Variants in MYT1L observed in about 807,000 individuals in gnomAD.
The protein encoded by MYT1L is myelin transcription factor 1-like protein.
Under a neutral mutation model 126.7 loss-of-function variants are expected in MYT1L, and 12 were observed. The ratio of observed to expected loss-of-function variants is 0.09; its 90% CI spans 0.06 to 0.15. The LOEUF (loss-of-function observed/expected upper bound fraction) is 0.15. MYT1L is among the 10% of genes least tolerant of loss of function. MYT1L has a pLI of 1.00. For synonymous variants in MYT1L, 541 were observed against 604.2 expected, an observed-to-expected ratio of 0.90 and a Z score of 1.53; for missense variants, 979 against 1,585.2, an observed-to-expected ratio of 0.62 and a Z score of 6.49.
chr2:2,044,016 G>A (rs2067863990), intron 4 of MYT1L, among the ~76,000 whole-genome samples: 2 of 151,990 alleles, frequency 1.3e-5, no homozygotes. Context: ...GAGTTCAAAA[G>A]GTACTTTTCT....
chr2:2,300,147 A>T (rs1489975283), intron 1 of MYT1L, among the ~76,000 whole-genome samples: 1 of 152,198 alleles, frequency 6.6e-6, no homozygotes, highest in Non-Finnish European at 1.5e-5. Flanking sequence ...CCTAATGATG[A>T]CTTATAAGTT....
intron 3 of MYT1L, among the ~76,000 whole-genome samples, chr2:2,132,094 G>A (rs993804792): frequency 6.6e-6 from 1 of 151,600 alleles, no homozygotes; most frequent in Non-Finnish European, 1.5e-5. Flanking sequence ...TTCTAGTAGA[G>A]ATGGGGGTTT....
intron 2 of MYT1L, among the ~76,000 whole-genome samples, chr2:2,269,380 G>A (rs184420108): frequency 2.0e-4 from 30 of 152,296 alleles, no homozygotes; most frequent in African/African-American, 6.5e-4. Flanking sequence ...GAGCAGCACC[G>A]CAATAGCATC....
At chr2:2,034,387 C>G (rs1255222276) in intron 4 of MYT1L, among the ~76,000 whole-genome samples, 1 of 46,414 alleles carries the variant, frequency 2.2e-5, no homozygotes, top group Non-Finnish European at 4.0e-5. Context: ...GAGCTCCTAA[C>G]TTCTCCCCAA....
At chr2:1,839,060 G>T in intron 21 of MYT1L, 89 bp downstream of exon 21, 1 of 1,148,302 alleles carries the variant, frequency 8.7e-7, no homozygotes, top group Non-Finnish European at 1.2e-6. Context: ...GACGGGAGAA[G>T]CTGGCACCTG....
intron 3 of MYT1L, among the ~76,000 whole-genome samples, chr2:2,156,248 T>C (rs940480968): frequency 2.0e-5 from 3 of 152,218 alleles, no homozygotes; most frequent in Non-Finnish European, 4.4e-5. Flanking sequence ...CATTTACTTG[T>C]TTATCAGAAA....
chr2:1,891,364 C>A (rs984729119), intron 15 of MYT1L, among the ~76,000 whole-genome samples: 2 of 152,224 alleles, frequency 1.3e-5, no homozygotes, highest in African/African-American at 2.4e-5. Context: ...TTCTCCCCAG[C>A]CGCCTGGTGG....
At chr2:2,229,730 A>G (rs927716985) in intron 2 of MYT1L, among the ~76,000 whole-genome samples, 3 of 152,064 alleles carry the variant, frequency 2.0e-5, no homozygotes, top group Admixed American at 6.5e-5. Flanking sequence ...ATGTATATGC[A>G]TATATTATCT....
chr2:1,890,510 T>C (rs2048726523), intron 15 of MYT1L, among the ~76,000 whole-genome samples: 1 of 152,244 alleles, frequency 6.6e-6, no homozygotes, highest in South Asian at 2.1e-4. Context: ...GTCTACTGGC[T>C]TAAAAAAAAA....
intron 2 of MYT1L, among the ~76,000 whole-genome samples, chr2:2,250,560 C>CAAAAAAAAAA (rs1230829158): frequency 2.2e-5 from 2 of 90,744 alleles, no homozygotes; most frequent in Non-Finnish European, 4.7e-5. Context: ...TGAAAGGGTA[C>CAAAAAAAAAA]AAAAAAAAAA....
rs377235651 is a variant in MYT1L at position 2,308,353 on chromosome 2, T to G, written c.-521+22614A>C. ...CACTTCACTATACTCTACCTATACTTCACCTACATTTCAGTATATTGTACC... is the reference window on the plus strand; with the variant it reads ...CACTTCACTATACTCTACCTATACTGCACCTACATTTCAGTATATTGTACC... On this transcript the variant is annotated intron_variant, in intron 1 of 24. Coordinates refer to ENST00000647738, the MANE Select transcript of MYT1L (RefSeq NM_001303052.2). Among the ~76,000 whole-genome samples the G allele has an allele frequency of 1.2e-4, 18 of 151,870 alleles. No individual in the cohort carries two copies. In the South Asian group the frequency reaches 3.7e-3, roughly 32 times the overall value.
At chr2:1,846,839 A>G (rs1206542109) in intron 19 of MYT1L, among the ~76,000 whole-genome samples, 1 of 152,184 alleles carries the variant, frequency 6.6e-6, no homozygotes, top group East Asian at 1.9e-4. Flanking sequence ...GCACCACCTT[A>G]CAAGGTTCCC....
chr2:2,056,238 G>A (rs1187912427), intron 3 of MYT1L, among the ~76,000 whole-genome samples: 1 of 152,142 alleles, frequency 6.6e-6, no homozygotes, highest in Non-Finnish European at 1.5e-5. Context: ...ACTCCAGTTT[G>A]GGTGCTCCTG....
chr2:2,091,234 A>G (rs1272836232), intron 3 of MYT1L, among the ~76,000 whole-genome samples: 1 of 152,344 alleles, frequency 6.6e-6, no homozygotes, highest in African/African-American at 2.4e-5. Flanking sequence ...TGACAATTGA[A>G]ATTACTCCTG....
chr2:2,280,996 C>T (rs113694016), intron 2 of MYT1L, among the ~76,000 whole-genome samples: 2,580 of 152,236 alleles, frequency 0.017, 56 homozygotes, highest in South Asian at 0.077. Context: ...TGTACACAAC[C>T]GTGGTGATAT....
intron 1 of MYT1L, among the ~76,000 whole-genome samples, chr2:2,328,432 A>G (rs1426329381): frequency 2.0e-5 from 3 of 152,214 alleles, no homozygotes; most frequent in Admixed American, 2.0e-4. Flanking sequence ...TCATGCTTTG[A>G]CAGCTTTTAT....
intron 19 of MYT1L, among the ~76,000 whole-genome samples, chr2:1,844,701 C>T (rs113880834): frequency 1.3e-5 from 2 of 152,186 alleles, no homozygotes; most frequent in African/African-American, 4.8e-5. Context: ...CAATGCTGGG[C>T]ACAGAGAAGG....
At chr2:2,003,990 CG>C (rs2062729141) in intron 4 of MYT1L, among the ~76,000 whole-genome samples, 3 of 150,280 alleles carry the variant, frequency 2.0e-5, no homozygotes, top group African/African-American at 7.4e-5. Flanking sequence ...TTCCTGCAAG[CG>C]TTCTTTCCTG....
intron 18 of MYT1L, among the ~76,000 whole-genome samples, chr2:1,874,202 T>C (rs200884583): frequency 0.017 from 2,486 of 147,504 alleles, 60 homozygotes; most frequent in African/African-American, 0.059. Context: ...TTTTTTTTTT[T>C]CCCCCAAGAT....
Sources: gnomAD v4.1 joint callset for allele counts (sites outside exome capture counted in the v4.1 genomes callset) on GRCh38, gnomAD v4.1.1 for gene constraint, MANE v1.5 for transcripts, NCBI Gene and HGNC (gene_info 2026-07-23, HGNC 2026-07-21) for gene names.